The following FMN1 variants were observed in gnomAD, a reference collection of about 807,000 sequenced individuals.
FMN1 encodes the protein formin 1.
FMN1 carries 110 observed loss-of-function variants against 132.4 expected under a neutral mutation model. The ratio of observed to expected loss-of-function variants is 0.83; its 90% CI spans 0.71 to 0.97. The LOEUF is 0.97. Ranked by LOEUF, FMN1 falls within the 50% of genes least tolerant of loss-of-function variation. The probability of loss-of-function intolerance (pLI) is 0.00; values close to 1 mark genes in which losing one functional copy is unlikely to be tolerated. For missense variants in FMN1, 1,792 were observed against 1,705.3 expected (o/e 1.05, Z -0.90); for synonymous variants, 722 against 651.7 (o/e 1.11, Z -1.64).
intron 5 of FMN1, among the ~76,000 whole-genome samples, chr15:33,071,086 TG>T (rs1299309357): frequency 6.6e-6 from 1 of 152,210 alleles, no homozygotes; most frequent in Non-Finnish European, 1.5e-5. Context: ...AGTTCATTGG[TG>T]GTCTTTAACT....
chr15:33,128,777 CA>C (rs1300594013), intron 4 of FMN1, among the ~76,000 whole-genome samples: 1 of 152,210 alleles, frequency 6.6e-6, no homozygotes, highest in Non-Finnish European at 1.5e-5. Flanking sequence ...GGTATGGACC[CA>C]AACGGTGAGC....
At chr15:32,808,903 T>TG (rs1174824542) in intron 17 of FMN1, among the ~76,000 whole-genome samples, 1 of 88,308 alleles carries the variant, frequency 1.1e-5, no homozygotes, top group Non-Finnish European at 2.8e-5. Context: ...ACTTTAGTGT[T>TG]TTTTTTTTTT....
intron 4 of FMN1, among the ~76,000 whole-genome samples, chr15:33,116,815 T>C (rs1206837364): frequency 6.6e-6 from 1 of 152,186 alleles, no homozygotes; most frequent in Non-Finnish European, 1.5e-5. Flanking sequence ...GGAAGGTTAC[T>C]ATCCATCTGA....
rs1252753489 is a variant in FMN1 at position 32,795,393 on chromosome 15, A to G, written c.4130+3411T>C. ...TAGCTCAAGAGCAAAGGTGAGGGGC[A>G]CTATGGCAGAAGGGAAACACACAGC... On this transcript the variant is annotated intron_variant, in intron 19 of 20. Transcript: ENST00000616417. Among the ~76,000 whole-genome samples, 8 of 152,310 alleles carry G rather than the reference A, an allele frequency of 5.3e-5. No homozygotes were observed. In the South Asian group the frequency reaches 8.3e-4, roughly 16 times the overall value.
intron 4 of FMN1, among the ~76,000 whole-genome samples, chr15:33,135,355 G>A (rs1337018861): frequency 1.3e-5 from 2 of 152,166 alleles, no homozygotes; most frequent in African/African-American, 4.8e-5. Context: ...GAAATAAAGA[G>A]AATATTGATT....
intron 2 of FMN1, among the ~76,000 whole-genome samples, chr15:33,186,732 A>T (rs975738854): frequency 6.6e-6 from 1 of 152,214 alleles, no homozygotes; most frequent in African/African-American, 2.4e-5. Flanking sequence ...ACCTTAAGCA[A>T]AAAGAGAAGC....
chr15:32,946,940 T>C (rs2061523798), intron 9 of FMN1, among the ~76,000 whole-genome samples: 1 of 152,190 alleles, frequency 6.6e-6, no homozygotes, highest in Admixed American at 6.6e-5. Context: ...CACAAACATT[T>C]TGGATAACAA....
chr15:32,920,072 C>T (rs746142810), intron 10 of FMN1, among the ~76,000 whole-genome samples: 10 of 152,212 alleles, frequency 6.6e-5, no homozygotes, highest in South Asian at 6.2e-4. Context: ...ATTAATTCTG[C>T]GTGTATGGGA....
At chr15:33,088,009 T>C (rs150555349) in intron 5 of FMN1, among the ~76,000 whole-genome samples, 2 of 152,170 alleles carry the variant, frequency 1.3e-5, no homozygotes, top group Non-Finnish European at 2.9e-5. Context: ...AGCTAAGCTA[T>C]GAGGACGCAA....
At chr15:32,993,912 T>TGGGGGGG (rs61553799) in intron 7 of FMN1, among the ~76,000 whole-genome samples, 2 of 86,966 alleles carry the variant, frequency 2.3e-5, no homozygotes, top group African/African-American at 3.7e-5. Context: ...GGGGGCGGGG[T>TGGGGGGG]GGGGGGGGTC....
chr15:33,088,101 T>A (rs2038769299), intron 5 of FMN1, among the ~76,000 whole-genome samples: 1 of 152,102 alleles, frequency 6.6e-6, no homozygotes, highest in South Asian at 2.1e-4. Context: ...ACACACTGGG[T>A]ACAGTGTACA....
chr15:32,935,600 G>A (rs35530263), intron 9 of FMN1, among the ~76,000 whole-genome samples: 2,413 of 151,622 alleles, frequency 0.016, 60 homozygotes, highest in African/African-American at 0.056. Context: ...TCTGCTTGAC[G>A]GTGTTCCATA....
intron 19 of FMN1, among the ~76,000 whole-genome samples, chr15:32,779,526 C>A (rs1204523152): frequency 6.6e-6 from 1 of 152,080 alleles, no homozygotes; most frequent in African/African-American, 2.4e-5. Flanking sequence ...CATGTACACT[C>A]TACGAGCCAT....
chr15:32,950,054 C>CATATAT (rs1226548479), intron 9 of FMN1, among the ~76,000 whole-genome samples: 141 of 4,902 alleles, frequency 0.029, 21 homozygotes, highest in Non-Finnish European at 0.057. Flanking sequence ...TATATATACA[C>CATATAT]ATATATATAT....
At chr15:32,920,816 T>C (rs145635635) in intron 10 of FMN1, among the ~76,000 whole-genome samples, 9 of 152,354 alleles carry the variant, frequency 5.9e-5, no homozygotes, top group African/African-American at 1.7e-4. Context: ...GTAGCAATTC[T>C]CTCTCCAAAT....
intron 4 of FMN1, among the ~76,000 whole-genome samples, chr15:33,110,186 T>C (rs2039644802): frequency 6.6e-6 from 1 of 152,002 alleles, no homozygotes; most frequent in African/African-American, 2.4e-5. Context: ...TATGCAAAAA[T>C]ACCTGTCAGA....
chr15:32,967,662 C>T (rs1001935119), intron 8 of FMN1, among the ~76,000 whole-genome samples: 4 of 152,116 alleles, frequency 2.6e-5, no homozygotes, highest in African/African-American at 9.7e-5. Flanking sequence ...AAAACAAACT[C>T]TTGGCCCTTA....
intron 17 of FMN1, among the ~76,000 whole-genome samples, chr15:32,826,161 C>A (rs1274492276): frequency 2.6e-5 from 4 of 152,190 alleles, no homozygotes; most frequent in Non-Finnish European, 5.9e-5. Flanking sequence ...AGTGGGGTCC[C>A]TAGAGTGTTT....
At chr15:33,000,861 G>A (rs968015520) in intron 7 of FMN1, among the ~76,000 whole-genome samples, 4 of 152,206 alleles carry the variant, frequency 2.6e-5, no homozygotes, top group South Asian at 4.1e-4. Flanking sequence ...AAAACATTTT[G>A]TCAAGAGGCA....
Sources: gnomAD v4.1 joint callset for allele counts (sites outside exome capture counted in the v4.1 genomes callset) on GRCh38, gnomAD v4.1.1 for gene constraint, MANE v1.5 for transcripts, NCBI Gene and HGNC (gene_info 2026-07-23, HGNC 2026-07-21) for gene names.